The following DENND1A variants were observed in gnomAD, a reference collection of about 807,000 sequenced individuals.
The protein encoded by DENND1A is DENN domain-containing protein 1A.
DENND1A carries 51 observed loss-of-function variants against 113.7 expected under a neutral mutation model. The observed-to-expected ratio is 0.45, with a 90% CI of 0.36 to 0.57. The LOEUF (loss-of-function observed/expected upper bound fraction) is 0.57, where lower values mean the gene tolerates loss of function less well. Among genes scored for constraint, DENND1A ranks in the 20% least tolerant of loss-of-function variants. The pLI is 0.00. For missense variants in DENND1A, 1,258 were observed against 1,395.9 expected (o/e 0.90, Z 1.57); for synonymous variants, 565 against 570.8 (o/e 0.99, Z 0.14).
chr9:123,917,701 T>C (rs1564503928), intron 1 of DENND1A, among the ~76,000 whole-genome samples: 1 of 152,058 alleles, frequency 6.6e-6, no homozygotes, highest in South Asian at 2.1e-4. Context: ...TCTAATACTA[T>C]TTCCCACCAA....
intron 13 of DENND1A, chr9:123,491,887 G>A (rs1178704495): frequency 2.0e-5 from 3 of 152,242 alleles, no homozygotes; most frequent in African/African-American, 7.2e-5. Flanking sequence ...TGGGAGGGGA[G>A]TTTGCTATTG....
intron 21 of DENND1A, among the ~76,000 whole-genome samples, chr9:123,389,358 T>C (rs1270509976): frequency 6.6e-6 from 1 of 152,242 alleles, no homozygotes; most frequent in East Asian, 1.9e-4. Context: ...GTCCCAGTGC[T>C]GGGCTTTTCT....
At chr9:123,782,033 G>A (rs1326539384) in intron 3 of DENND1A, among the ~76,000 whole-genome samples, 2 of 151,876 alleles carry the variant, frequency 1.3e-5, no homozygotes, top group East Asian at 1.9e-4. Context: ...TCACACCACT[G>A]TACATTAGCC....
chr9:123,544,434 G>A (rs1305413494), intron 13 of DENND1A, among the ~76,000 whole-genome samples: 2 of 152,188 alleles, frequency 1.3e-5, no homozygotes, highest in Non-Finnish European at 2.9e-5. Context: ...TAGAGAAATT[G>A]ACTCCTAAGA....
intron 13 of DENND1A, among the ~76,000 whole-genome samples, chr9:123,515,391 A>C (rs1441958508): frequency 6.6e-6 from 1 of 152,238 alleles, no homozygotes; most frequent in Admixed American, 6.5e-5. Flanking sequence ...TTCTTAGAAA[A>C]TACAGGCTGA....
chr9:123,882,868 T>C (rs1451602197), intron 1 of DENND1A, among the ~76,000 whole-genome samples: 1 of 152,218 alleles, frequency 6.6e-6, no homozygotes, highest in Non-Finnish European at 1.5e-5. Context: ...GGAAGTCTTA[T>C]GTGAAATTTA....
At chr9:123,905,878 C>T (rs2133960106) in intron 1 of DENND1A, among the ~76,000 whole-genome samples, 1 of 151,446 alleles carries the variant, frequency 6.6e-6, no homozygotes, top group African/African-American at 2.4e-5. Flanking sequence ...CTACAGAACT[C>T]TCCACCCCAA....
chr9:123,528,890 T>G (rs1398382514), intron 13 of DENND1A, among the ~76,000 whole-genome samples: 1 of 152,174 alleles, frequency 6.6e-6, no homozygotes, highest in Non-Finnish European at 1.5e-5. Context: ...TTCCCTCTAT[T>G]TGAAGTAACT....
rs541547555 is a variant in DENND1A, at chr9:123,884,783, T to C, written c.18-5762A>G. 2.0e-4 allele frequency among the ~76,000 whole-genome samples: 30 copies of C among 152,170 alleles called. No homozygotes were observed. The East Asian group carries it at 5.2e-3, about 26-fold the overall frequency. ...GACACTGAAGCTCACAGAGAATAAATTGGCCAAAGACAAAATGACCAAGCA... is the reference window on the plus strand; with the variant it reads ...GACACTGAAGCTCACAGAGAATAAACTGGCCAAAGACAAAATGACCAAGCA... On this transcript the variant is annotated intron_variant, in intron 1 of 23. Coordinates refer to ENST00000394215, the MANE Select transcript of DENND1A (RefSeq NM_001352964.2).
At chr9:123,420,868 G>A (rs1186355183) in intron 19 of DENND1A, among the ~76,000 whole-genome samples, 1 of 150,256 alleles carries the variant, frequency 6.7e-6, no homozygotes, top group Non-Finnish European at 1.5e-5. Flanking sequence ...GGGGGAGGGA[G>A]GAGGGCCAGC....
chr9:123,486,328 G>A (rs936346892), intron 13 of DENND1A, among the ~76,000 whole-genome samples: 15 of 152,020 alleles, frequency 9.9e-5, no homozygotes, highest in African/African-American at 3.1e-4. Context: ...ACTCGCCCCC[G>A]GAACACTGTG....
chr9:123,384,564 T>C (rs1378965282), intron 22 of DENND1A, among the ~76,000 whole-genome samples: 1 of 152,110 alleles, frequency 6.6e-6, no homozygotes, highest in Non-Finnish European at 1.5e-5. Flanking sequence ...CACGCACGGG[T>C]TGGTTACAGC....
chr9:123,537,885 C>T (rs1035498381), intron 13 of DENND1A, among the ~76,000 whole-genome samples: 8 of 152,140 alleles, frequency 5.3e-5, no homozygotes, highest in Non-Finnish European at 7.4e-5. Flanking sequence ...AATATTGTTC[C>T]CAGGAACTTT....
intron 22 of DENND1A, among the ~76,000 whole-genome samples, chr9:123,385,057 C>T (rs912600382): frequency 2.6e-5 from 4 of 152,224 alleles, no homozygotes; most frequent in Admixed American, 6.5e-5. Flanking sequence ...ACTTGCCTTC[C>T]CTTCCCATGG....
chr9:123,683,047 A>T (rs1246587406), intron 5 of DENND1A, among the ~76,000 whole-genome samples: 1 of 51,296 alleles, frequency 1.9e-5, no homozygotes, highest in East Asian at 2.7e-4. Context: ...CACCCTTTCA[A>T]GTTTCACCTA....
At chr9:123,672,418 GT>G (rs1052046948) in intron 6 of DENND1A, among the ~76,000 whole-genome samples, 1 of 151,962 alleles carries the variant, frequency 6.6e-6, no homozygotes, top group Non-Finnish European at 1.5e-5. Context: ...AAAAAAAAAA[GT>G]TTTTATTATT....
At chr9:123,472,599 G>T (rs756133267) in intron 13 of DENND1A, among the ~76,000 whole-genome samples, 4 of 151,908 alleles carry the variant, frequency 2.6e-5, no homozygotes, top group African/African-American at 7.3e-5. Flanking sequence ...GGACTGCATC[G>T]AGGGAAACAT....
chr9:123,806,658 T>C (rs1037618652), intron 2 of DENND1A, among the ~76,000 whole-genome samples: 1 of 152,226 alleles, frequency 6.6e-6, no homozygotes, highest in East Asian at 1.9e-4. Flanking sequence ...TTTTGGATTT[T>C]CAGATTAGGA....
chr9:123,865,613 T>C (rs957190434), intron 2 of DENND1A, among the ~76,000 whole-genome samples: 3 of 152,268 alleles, frequency 2.0e-5, no homozygotes, highest in African/African-American at 7.2e-5. Flanking sequence ...TTTCATGTTT[T>C]TCTTCATGAT....
Sources: allele counts gnomAD v4.1 joint callset (sites outside exome capture counted in the v4.1 genomes callset), GRCh38; gene constraint gnomAD v4.1.1; transcripts MANE v1.5; gene names NCBI Gene and HGNC (gene_info 2026-07-23, HGNC 2026-07-21).